The following CBR4 variants were observed in gnomAD, a reference collection of about 807,000 sequenced individuals.
CBR4 encodes carbonyl reductase 4.
Under a neutral mutation model 21.0 loss-of-function variants are expected in CBR4, and 22 were observed. The ratio of observed to expected loss-of-function variants is 1.05; its 90% CI spans 0.75 to 1.50. The LOEUF is 1.50. Among genes scored for constraint, CBR4 ranks in the 40% most tolerant of loss-of-function variants. CBR4 has a pLI of 0.00. For synonymous variants in CBR4, 100 were observed against 104.4 expected (o/e 0.96, Z 0.26); for missense variants, 302 against 286.3 (o/e 1.05, Z -0.40).
chr4:168,985,503 G>A (rs1764661031), downstream of CBR4, among the ~76,000 whole-genome samples: 1 of 152,084 alleles, frequency 6.6e-6, no homozygotes, highest in Admixed American at 6.6e-5. Flanking sequence ...AACTTAAAAT[G>A]GAACTACCAT....
intron 2 of CBR4, among the ~76,000 whole-genome samples, chr4:168,916,749 C>T (rs1760200944): frequency 6.8e-6 from 1 of 147,314 alleles, no homozygotes; most frequent in Non-Finnish European, 1.5e-5. Context: ...GGTGCAATCT[C>T]GGCTCGCTGC....
chr4:168,900,069 A>C (rs1404033171), intron 2 of CBR4, among the ~76,000 whole-genome samples: 1 of 152,222 alleles, frequency 6.6e-6, no homozygotes, highest in Non-Finnish European at 1.5e-5. Context: ...TCACACAGCA[A>C]GAGTAGGAGC....
rs570322223 is a variant in CBR4, at chr4:168,974,388, G to C, written n.169+27683C>G. On this transcript the variant is annotated intron_variant and non_coding_transcript_variant, in intron 2 of 3. Coordinates refer to the CBR4 transcript ENST00000509108. ...TGATAACCTGATGACCATGTGCCTA[G>C]GTGATGATGTTTTGTGAAGAATTTT... 5.3e-5 allele frequency among the ~76,000 whole-genome samples: 8 copies of C among 152,294 alleles called. No homozygotes were observed. In the South Asian group the frequency reaches 1.7e-3, roughly 32 times the overall value.
chr4:168,971,478 G>A (rs532574756), intron 2 of CBR4, among the ~76,000 whole-genome samples: 16 of 142,886 alleles, frequency 1.1e-4, no homozygotes, highest in Non-Finnish European at 1.8e-4. Flanking sequence ...GTAGAGACAG[G>A]GTTTCACCAT....
intron 2 of CBR4, among the ~76,000 whole-genome samples, chr4:168,931,496 C>T (rs2126654667): frequency 6.6e-6 from 1 of 152,204 alleles, no homozygotes; most frequent in East Asian, 1.9e-4. Flanking sequence ...ATGACCATGC[C>T]CAGGGCCTAA....
chr4:168,954,811 A>G (rs1258451322), intron 2 of CBR4, among the ~76,000 whole-genome samples: 3 of 152,234 alleles, frequency 2.0e-5, no homozygotes, highest in Non-Finnish European at 4.4e-5. Flanking sequence ...TACCGCCCCT[A>G]AACAACAGCT....
In CBR4 at chr4:168,988,556, G is replaced by C. The variant is rs1764774396; in HGVS notation, c.*1594C>G. ...GAAACTATCTACTATGTCTGAATAA[G>C]CTCCCCTACCTTACAAGCATCAACT... On this transcript the variant is annotated 3_prime_UTR_variant, in exon 5 of 5. Transcript: ENST00000306193. The C allele has an allele frequency of 1.0e-6, 1 of 985,258 alleles. No homozygotes were observed. Among genetic ancestry groups the C allele is most frequent in the Admixed American group, 6.2e-5 (1 of 16,250 alleles). 61.0% of individuals were successfully genotyped at this position (985,258 alleles called of 1,614,324 possible).
At chr4:168,932,241 A>AT (rs892002768) in intron 2 of CBR4, among the ~76,000 whole-genome samples, 12 of 151,730 alleles carry the variant, frequency 7.9e-5, no homozygotes, top group Non-Finnish European at 1.5e-4. Context: ...AACAAAGAAC[A>AT]TAAAAAAAAA....
At chr4:168,894,722 C>T (rs1560872899) in exon 3 of CBR4, 3 of 1,594,494 alleles carry the variant, frequency 1.9e-6, no homozygotes, top group African/African-American at 1.3e-5. Flanking sequence ...TTATTCTGTC[C>T]CCCTTTTCCA....
At chr4:168,948,656 C>G (rs568340907) in intron 2 of CBR4, among the ~76,000 whole-genome samples, 1 of 152,188 alleles carries the variant, frequency 6.6e-6, no homozygotes, top group Non-Finnish European at 1.5e-5. Context: ...TGTGCTTTGT[C>G]GAAGATCAGT....
At chr4:168,906,547 A>G (rs1273660137) in intron 2 of CBR4, among the ~76,000 whole-genome samples, 2 of 152,242 alleles carry the variant, frequency 1.3e-5, no homozygotes, top group African/African-American at 4.8e-5. Flanking sequence ...GGATCATTCC[A>G]TATTACATAC....
At chr4:168,981,111 A>C (rs1578976192) in intron 2 of CBR4, among the ~76,000 whole-genome samples, 1 of 152,194 alleles carries the variant, frequency 6.6e-6, no homozygotes, top group East Asian at 1.9e-4. Context: ...ATTTTAAGAA[A>C]GAACCAGGCC....
At chr4:168,946,028 G>C (rs1477748423) in intron 2 of CBR4, among the ~76,000 whole-genome samples, 1 of 152,178 alleles carries the variant, frequency 6.6e-6, no homozygotes, top group Non-Finnish European at 1.5e-5. Flanking sequence ...CAAGTCAACA[G>C]AAGGGCACTG....
In CBR4 at chr4:168,989,780, G is replaced by T; in HGVS notation, c.*370C>A. On this transcript the variant is annotated 3_prime_UTR_variant, in exon 5 of 5. Transcript: ENST00000306193. ...CACTAAGATTGCTACAGTCTATGAGGTAACCAAAGGTAAGTGATACACATC... is the reference window on the plus strand; with the variant it reads ...CACTAAGATTGCTACAGTCTATGAGTTAACCAAAGGTAAGTGATACACATC... 1.0e-6 allele frequency: 1 copy of T among 993,154 alleles called. No individual in the cohort carries two copies. Among genetic ancestry groups the T allele is most frequent in the Non-Finnish European group, 1.2e-6 (1 of 835,330 alleles). The allele number at this position is 993,154 out of a possible 1,614,324, so 61.5% of individuals were successfully genotyped here.
At chr4:168,942,098 C>G (rs1287510622) in intron 2 of CBR4, among the ~76,000 whole-genome samples, 1 of 152,050 alleles carries the variant, frequency 6.6e-6, no homozygotes, top group African/African-American at 2.4e-5. Flanking sequence ...ATGGATGAAG[C>G]TGGAAGCCAT....
chr4:169,004,459 T>C (rs1051175385), intron 3 of CBR4, among the ~76,000 whole-genome samples: 4 of 152,362 alleles, frequency 2.6e-5, no homozygotes, highest in African/African-American at 7.2e-5. Context: ...ACTTTAAAAA[T>C]TGGAGCCTCT....
intron 1 of CBR4, chr4:169,009,059 C>CA (rs34403282): frequency 0.048 from 16,662 of 349,216 alleles, 192 homozygotes; most frequent in African/African-American, 0.11. Context: ...GAAGCCCTCT[C>CA]AAAAAAAAAA....
At chr4:169,005,811 C>T in intron 3 of CBR4, 1 of 1,091,918 alleles carries the variant, frequency 9.2e-7, no homozygotes, top group Non-Finnish European at 1.2e-6. Context: ...CCTTTTCTCA[C>T]TTTCAAAACA....
chr4:168,922,788 C>G (rs1761839970), intron 2 of CBR4, among the ~76,000 whole-genome samples: 1 of 152,196 alleles, frequency 6.6e-6, no homozygotes, highest in Non-Finnish European at 1.5e-5. Flanking sequence ...ACTAAAACTT[C>G]ACTTTTCTGC....
Sources: allele counts gnomAD v4.1 joint callset (sites outside exome capture counted in the v4.1 genomes callset), GRCh38; gene constraint gnomAD v4.1.1; transcripts MANE v1.5; gene names NCBI Gene and HGNC (gene_info 2026-07-23, HGNC 2026-07-21).